The following C1GALT1 variants were observed in gnomAD, a reference collection of about 807,000 sequenced individuals.
C1GALT1 encodes core 1 synthase, glycoprotein-N-acetylgalactosamine 3-beta-galactosyltransferase 1, also known as glycoprotein-N-acetylgalactosamine 3-beta-galactosyltransferase 1.
In C1GALT1, 11 loss-of-function variants were observed where a neutral mutation model predicts 31.0. That is an observed-to-expected ratio of 0.36 (90% CI 0.22 to 0.59). The LOEUF (loss-of-function observed/expected upper bound fraction) is 0.59, where lower values mean the gene tolerates loss of function less well. Among genes scored for constraint, C1GALT1 ranks in the 20% least tolerant of loss-of-function variants. The pLI, the probability that C1GALT1 is intolerant of heterozygous loss-of-function variation, is 0.79. For synonymous variants in C1GALT1, 175 were observed against 143.6 expected (o/e 1.22, Z -1.56); for missense variants, 424 against 425.2 (o/e 1.00, Z 0.03).
chr7:7,210,374 T>G (rs1010596470), intron 1 of C1GALT1: 1 of 150,940 alleles, frequency 6.6e-6, no homozygotes, highest in Non-Finnish European at 1.5e-5. Flanking sequence ...ATTTAAAGCT[T>G]CAAATGATGA....
chr7:7,214,645 G>A (rs1782148440), intron 1 of C1GALT1, among the ~76,000 whole-genome samples: 1 of 152,164 alleles, frequency 6.6e-6, no homozygotes, highest in Non-Finnish European at 1.5e-5. Context: ...AGGGTGTACA[G>A]AGTATTTTCA....
rs758202447 is a variant in C1GALT1, at chr7:7,216,709, C to T, written c.-17-17594C>T. 1.7e-4 allele frequency among the ~76,000 whole-genome samples: 26 copies of T among 152,284 alleles called. No homozygotes were observed. In the Middle Eastern group the frequency reaches 0.01, roughly 60 times the overall value. On this transcript the variant is annotated intron_variant, in intron 1 of 3. Coordinates refer to ENST00000436587, the MANE Select transcript of C1GALT1 (RefSeq NM_020156.5). ...AGACAGAATAGATGCCTTAAAAGAACGTAGGAATAGAATGGCCGTTTTCCC... is the reference window on the plus strand; with the variant it reads ...AGACAGAATAGATGCCTTAAAAGAATGTAGGAATAGAATGGCCGTTTTCCC...
chr7:7,164,757 G>A (rs1378324518), intron 2 of C1GALT1, among the ~76,000 whole-genome samples: 1 of 152,062 alleles, frequency 6.6e-6, no homozygotes, highest in African/African-American at 2.4e-5. Flanking sequence ...TGCCTGAGGG[G>A]GCATGGCTTT....
intron 2 of C1GALT1, among the ~76,000 whole-genome samples, chr7:7,157,953 A>C (rs1219947810): frequency 6.6e-6 from 1 of 152,214 alleles, no homozygotes; most frequent in East Asian, 1.9e-4. Context: ...CAGGAACCTC[A>C]GTCAGAATGC....
At chr7:7,157,563 C>G (rs1343767186) in intron 2 of C1GALT1, 2 of 152,204 alleles carry the variant, frequency 1.3e-5, no homozygotes, top group Non-Finnish European at 2.9e-5. Flanking sequence ...AATCATGAAT[C>G]TATCAATCAA....
chr7:7,191,813 A>G (rs563767874), intron 1 of C1GALT1, among the ~76,000 whole-genome samples: 1 of 150,844 alleles, frequency 6.6e-6, no homozygotes, highest in Non-Finnish European at 1.5e-5. Context: ...ACATTGTTGA[A>G]TCAGGTTGAT....
Position 7,243,860 on chromosome 7 carries a change from T to C in C1GALT1, c.*133T>C. On this transcript the variant is annotated 3_prime_UTR_variant, in exon 4 of 4. Coordinates refer to ENST00000436587, the MANE Select transcript of C1GALT1 (RefSeq NM_020156.5). ...ACATTCCTTATAGAAACCTTTCACA[T>C]GAATGACTATAAACTGAAGCTTTAA... 1.6e-6 allele frequency: 1 copy of C among 632,102 alleles called. No homozygotes were observed. Among genetic ancestry groups the C allele is most frequent in the Non-Finnish European group, 2.6e-6 (1 of 380,194 alleles). 39.2% of individuals were successfully genotyped at this position (632,102 alleles called of 1,614,324 possible). A position where few individuals can be genotyped will look rare whatever the true frequency, so the allele number is the denominator to read the frequency against.
At chr7:7,232,042 A>C (rs2128247723) in intron 1 of C1GALT1, among the ~76,000 whole-genome samples, 1 of 152,254 alleles carries the variant, frequency 6.6e-6, no homozygotes, top group African/African-American at 2.4e-5. Flanking sequence ...TTTGGACATT[A>C]ATTTTTGCTT....
intron 2 of C1GALT1, among the ~76,000 whole-genome samples, chr7:7,163,255 C>T (rs146477850): frequency 0.023 from 3,486 of 152,152 alleles, 132 homozygotes; most frequent in East Asian, 0.16. Flanking sequence ...TTAGGTCTAA[C>T]GTTTAAGTCT....
Position 7,238,724 on chromosome 7 carries a change from C to G in C1GALT1, c.690C>G (p.Asp230Glu). Reference protein sequence around the residue: ...LKRFVDAFKTDKCTHSSSIED... With the variant: ...LKRFVDAFKTEKCTHSSSIED... ...GATTTGTTGATGCATTTAAAACAGA[C>G]AAGTGTACACATAGTTCCTCCATTG... is the stretch of plus-strand genomic sequence containing the variant. The change falls in exon 3 of 4, where the codon GAC (aspartate) becomes GAG (glutamate). Residue 230 changes from aspartate (D) to glutamate (E), a missense_variant. Physicochemically the swap from Asp to Glu is conservative, Grantham distance 45 (BLOSUM62 2). Coordinates refer to ENST00000436587, the MANE Select transcript of C1GALT1 (RefSeq NM_020156.5). The surrounding 1 kb of genome is among the most constrained non-coding windows in gnomAD (Gnocchi z 5.2). The G allele has an allele frequency of 6.2e-7, 1 of 1,613,932 alleles. No individual in the cohort carries two copies. The highest frequency in any genetic ancestry group is 1.1e-5 in the South Asian group (1 of 91,052).
chr7:7,164,928 T>A, intron 2 of C1GALT1, among the ~76,000 whole-genome samples: 1 of 152,168 alleles, frequency 6.6e-6, no homozygotes, highest in East Asian at 1.9e-4. Context: ...TTTGATTGCA[T>A]GTAAATATTA....
At chr7:7,171,768 G>T (rs1238862893) in intron 2 of C1GALT1, among the ~76,000 whole-genome samples, 1 of 151,444 alleles carries the variant, frequency 6.6e-6, no homozygotes, top group Non-Finnish European at 1.5e-5. Flanking sequence ...TTTTCTTTGT[G>T]GTTACCATAG....
chr7:7,159,827 CTG>C (rs1780315342), intron 2 of C1GALT1, among the ~76,000 whole-genome samples: 1 of 152,130 alleles, frequency 6.6e-6, no homozygotes, highest in Non-Finnish European at 1.5e-5. Context: ...TATAGAAACA[CTG>C]TTACACAGAG....
intron 1 of C1GALT1, among the ~76,000 whole-genome samples, chr7:7,203,705 T>G (rs1423222607): frequency 2.6e-5 from 4 of 152,148 alleles, no homozygotes; most frequent in African/African-American, 9.6e-5. Flanking sequence ...AAAAATAATT[T>G]TAATTGACAC....
chr7:7,204,198 A>G (rs886601039), intron 1 of C1GALT1, among the ~76,000 whole-genome samples: 3 of 149,800 alleles, frequency 2.0e-5, no homozygotes, highest in Non-Finnish European at 4.4e-5. Context: ...CAGTGAAGCC[A>G]TCATGTCCAG....
chr7:7,245,959 T>G lies in C1GALT1; in HGVS notation c.*2232T>G, dbSNP rs1277699259. The G allele has an allele frequency of 6.6e-6, 1 of 152,196 alleles. No homozygotes were observed. The highest frequency in any genetic ancestry group is 1.5e-5 in the Non-Finnish European group (1 of 68,034). 9.4% of individuals were successfully genotyped at this position (152,196 alleles called of 1,614,324 possible). A position where few individuals can be genotyped will look rare whatever the true frequency, so the allele number is the denominator to read the frequency against. On this transcript the variant is annotated 3_prime_UTR_variant, in exon 4 of 4. Transcript: ENST00000436587. Reference sequence around the variant, plus strand: ...TCACAGGATTTTTATGAGGATTAAATAAATGTAAGGTTTTTAGAACATTGA... The same window carrying G: ...TCACAGGATTTTTATGAGGATTAAAGAAATGTAAGGTTTTTAGAACATTGA...
At chr7:7,208,257 C>T (rs979308138) in intron 1 of C1GALT1, among the ~76,000 whole-genome samples, 3 of 152,020 alleles carry the variant, frequency 2.0e-5, no homozygotes, top group African/African-American at 7.2e-5. Flanking sequence ...TACGTAATGA[C>T]CCTAGGGCAC....
chr7:7,218,131 A>C lies in C1GALT1; in HGVS notation c.-17-16172A>C, dbSNP rs74736476. 3.4e-3 allele frequency among the ~76,000 whole-genome samples: 524 copies of C among 152,318 alleles called. 6 individuals are homozygous for C. The highest frequency in any genetic ancestry group is 0.012 in the African/African-American group (495 of 41,560). On this transcript the variant is annotated intron_variant, in intron 1 of 3. Coordinates refer to ENST00000436587, the MANE Select transcript of C1GALT1 (RefSeq NM_020156.5). ...GGGAGCAGTGGAAAGTGCTGAAACT[A>C]AGATAACCTTTAAAAGTTAGTTACA...
intron 1 of C1GALT1, among the ~76,000 whole-genome samples, chr7:7,197,654 T>C (rs547447464): frequency 6.6e-6 from 1 of 152,350 alleles, no homozygotes; most frequent in African/African-American, 2.4e-5. Context: ...TTTCATGATA[T>C]TGATTCTTCC....
Sources: gnomAD v4.1 joint callset for allele counts (sites outside exome capture counted in the v4.1 genomes callset) on GRCh38, gnomAD v4.1.1 for gene constraint, Gnocchi (gnomAD v3.1) non-coding constraint, MANE v1.5 for transcripts, NCBI Gene and HGNC (gene_info 2026-07-23, HGNC 2026-07-21) for gene names.